TTC39B: variants seen among roughly 807,000 people sequenced by gnomAD.
The protein encoded by TTC39B is tetratricopeptide repeat protein 39B.
Under a neutral mutation model 96.6 loss-of-function variants are expected in TTC39B, and 92 were observed. The observed-to-expected ratio is 0.95, with a 90% CI of 0.80 to 1.13. The LOEUF (loss-of-function observed/expected upper bound fraction) is 1.13. Ranked by LOEUF, TTC39B falls within the 50% of genes most tolerant of loss-of-function variation. The pLI, the probability that TTC39B is intolerant of heterozygous loss-of-function variation, is 0.00. For missense variants in TTC39B, 955 were observed against 809.3 expected (o/e 1.18, Z -2.18); for synonymous variants, 367 against 299.4 (o/e 1.23, Z -2.33).
intron 18 of TTC39B, among the ~76,000 whole-genome samples, chr9:15,176,739 T>C (rs1817959917): frequency 6.6e-6 from 1 of 152,172 alleles, no homozygotes; most frequent in African/African-American, 2.4e-5. Context: ...GGAGTGTGGC[T>C]ACACTCTTCA....
In TTC39B at chr9:15,251,727, A is replaced by G. The variant is rs1454359284; in HGVS notation, c.275+16187T>C. 5.3e-4 allele frequency among the ~76,000 whole-genome samples: 66 copies of G among 124,982 alleles called. 1 individual carries two copies. Among genetic ancestry groups the G allele is most frequent in the African/African-American group, 2.2e-3 (63 of 28,030 alleles). 82.0% of individuals were successfully genotyped at this position (124,982 alleles called of 152,430 possible). Reference sequence around the variant, plus strand: ...TATATATATATATATATATATATATATATATATATGTAGTATATATGGAGG... The same window carrying G: ...TATATATATATATATATATATATATGTATATATATGTAGTATATATGGAGG... On this transcript the variant is annotated intron_variant, in intron 2 of 19. Coordinates refer to ENST00000512701, the Ensembl canonical transcript of TTC39B.
At chr9:15,187,925 C>A in intron 14 of TTC39B, 46 bp downstream of exon 14, 2 of 1,512,086 alleles carry the variant, frequency 1.3e-6, no homozygotes, top group Non-Finnish European at 1.8e-6. Flanking sequence ...TCATCCTGGC[C>A]ATGTATTAGC....
In TTC39B at chr9:15,279,929, T is replaced by A. The variant is rs529031089; in HGVS notation, c.241-11981A>T. ...TTTTTTTTTTGAGACGGAGTCTCAC[T>A]CTGTCACCCAGGCTGGGGTGCAGTG... On this transcript the variant is annotated intron_variant, in intron 1 of 19. Transcript: ENST00000512701. 2.1e-4 allele frequency among the ~76,000 whole-genome samples: 28 copies of A among 136,564 alleles called. 1 individual carries two copies. The South Asian group carries it at 7.0e-3, about 34-fold the overall frequency. 89.6% of individuals were successfully genotyped at this position (136,564 alleles called of 152,430 possible). A position where few individuals can be genotyped will look rare whatever the true frequency, so the allele number is the denominator to read the frequency against.
chr9:15,252,298 G>T (rs1345368312), intron 2 of TTC39B, among the ~76,000 whole-genome samples: 1 of 152,018 alleles, frequency 6.6e-6, no homozygotes, highest in African/African-American at 2.4e-5. Context: ...GAGAATAATT[G>T]ATGTAATGTG....
At chr9:15,208,889 C>G (rs1381106147) in intron 6 of TTC39B, among the ~76,000 whole-genome samples, 1 of 152,156 alleles carries the variant, frequency 6.6e-6, no homozygotes, top group Non-Finnish European at 1.5e-5. Context: ...ACTCATCTAA[C>G]AAAATAAACA....
At chr9:15,210,915 A>G (rs1820157981) in intron 5 of TTC39B, among the ~76,000 whole-genome samples, 2 of 152,166 alleles carry the variant, frequency 1.3e-5, no homozygotes, top group South Asian at 4.1e-4. Context: ...CAAATAAAAC[A>G]TTCCCTCATG....
chr9:15,171,776 T>C (rs1211285109), exon 20 of TTC39B: 2 of 260,786 alleles, frequency 7.7e-6, no homozygotes, highest in Non-Finnish European at 1.4e-5. Context: ...CTAATTCAAA[T>C]AATATGAAAT....
chr9:15,167,723 G>C (rs1260441759), exon 20 of TTC39B: 2 of 152,242 alleles, frequency 1.3e-5, no homozygotes, highest in Non-Finnish European at 2.9e-5. Context: ...TTGCACTCCA[G>C]CCTGGGCAAC....
chr9:15,307,194 C>T, exon 1 of TTC39B: 1 of 1,573,792 alleles, frequency 6.4e-7, no homozygotes, highest in Non-Finnish European at 8.6e-7. Flanking sequence ...GCTCTCGGCT[C>T]TGGGCTCAGC....
At chr9:15,268,519 C>T (rs1195917546) in intron 1 of TTC39B, among the ~76,000 whole-genome samples, 2 of 152,170 alleles carry the variant, frequency 1.3e-5, no homozygotes, top group African/African-American at 4.8e-5. Flanking sequence ...CACACACACA[C>T]TCCACACTCA....
At chr9:15,280,734 G>C (rs1823730850) in intron 1 of TTC39B, among the ~76,000 whole-genome samples, 1 of 152,208 alleles carries the variant, frequency 6.6e-6, no homozygotes. Flanking sequence ...GGTCAGGAGA[G>C]GCAGTGGGTA....
rs376424610 is a variant in TTC39B at position 15,191,338 on chromosome 9, A to G, written c.931-83T>C. ...TCTAAACTAACAACTTACAGTTTTAATGCTTCAATAACATGAGAAATTGGG... is the reference window on the plus strand; with the variant it reads ...TCTAAACTAACAACTTACAGTTTTAGTGCTTCAATAACATGAGAAATTGGG... On this transcript the variant is annotated intron_variant, in intron 9 of 19. Transcript: ENST00000512701. The G allele has an allele frequency of 2.0e-4, 175 of 887,768 alleles. 1 individual carries two copies. The South Asian group carries it at 2.9e-3, about 15-fold the overall frequency. 55.0% of individuals were successfully genotyped at this position (887,768 alleles called of 1,614,324 possible).
intron 1 of TTC39B, among the ~76,000 whole-genome samples, chr9:15,303,009 A>T (rs2131625354): frequency 6.6e-6 from 1 of 152,180 alleles, no homozygotes; most frequent in East Asian, 1.9e-4. Context: ...CTCTACTAAA[A>T]ATACAAAAAT....
chr9:15,167,543 G>C (rs1588823812), exon 20 of TTC39B: 1 of 152,186 alleles, frequency 6.6e-6, no homozygotes, highest in East Asian at 1.9e-4. Context: ...ACCTGAAGTT[G>C]GGAGTTCGAG....
chr9:15,170,989 A>T (rs138818105), exon 20 of TTC39B: 1 of 152,340 alleles, frequency 6.6e-6, no homozygotes, highest in Non-Finnish European at 1.5e-5. Flanking sequence ...CACACAGGGC[A>T]CAGTGGACTC....
Position 15,214,245 on chromosome 9 carries a change from A to G in TTC39B, c.376T>C (p.Ser126Pro). The change falls in exon 4 of 20, where the codon TCA (serine) becomes CCA (proline). Residue 126 changes from serine (S) to proline (P), a missense_variant. Transcript: ENST00000512701. Reference sequence around the variant, plus strand: ...CTCTTGAGATCCACCTTGGTTGATGATGAACTAAAGATCAAGAAAAAAGCA... The same window carrying G: ...CTCTTGAGATCCACCTTGGTTGATGGTGAACTAAAGATCAAGAAAAAAGCA... 1 of 1,612,244 alleles carries G rather than the reference A, an allele frequency of 6.2e-7. No individual in the cohort carries two copies. Among genetic ancestry groups the G allele is most frequent in the Non-Finnish European group, 8.5e-7 (1 of 1,178,598 alleles).
intron 2 of TTC39B, among the ~76,000 whole-genome samples, chr9:15,234,226 T>A (rs1029141451): frequency 1.4e-5 from 2 of 142,022 alleles, no homozygotes; most frequent in African/African-American, 5.3e-5. Flanking sequence ...GTGAGGAGCG[T>A]CTCTGCCCGG....
intron 1 of TTC39B, among the ~76,000 whole-genome samples, chr9:15,277,350 C>T (rs937484152): frequency 6.6e-6 from 1 of 152,202 alleles, no homozygotes; most frequent in Non-Finnish European, 1.5e-5. Context: ...ATTGCTTGAA[C>T]CCGGGAGGCA....
intron 13 of TTC39B, 117 bp downstream of exon 13, chr9:15,189,457 A>G: frequency 9.9e-7 from 1 of 1,012,844 alleles, no homozygotes; most frequent in Non-Finnish European, 1.4e-6. Flanking sequence ...TTTTTTCTTT[A>G]TTTTTGTCTA....
Sources: gnomAD v4.1 joint callset for allele counts (sites outside exome capture counted in the v4.1 genomes callset) on GRCh38, gnomAD v4.1.1 for gene constraint, MANE v1.5 for transcripts, NCBI Gene and HGNC (gene_info 2026-07-23, HGNC 2026-07-21) for gene names.